The following PRKG1 variants were observed in gnomAD, a reference collection of about 807,000 sequenced individuals.
The protein encoded by PRKG1 is cGMP-dependent protein kinase 1.
Under a neutral mutation model 88.1 loss-of-function variants are expected in PRKG1, and 35 were observed. The observed-to-expected ratio is 0.40, with a 90% CI of 0.30 to 0.53. The LOEUF (loss-of-function observed/expected upper bound fraction) is 0.53, where lower values mean the gene tolerates loss of function less well. Among genes scored for constraint, PRKG1 ranks in the 20% least tolerant of loss-of-function variants. The probability of loss-of-function intolerance (pLI) is 0.59; values close to 1 mark genes in which losing one functional copy is unlikely to be tolerated. For missense variants in PRKG1, 540 were observed against 839.8 expected (o/e 0.64, Z 4.41); for synonymous variants, 303 against 292.5 (o/e 1.04, Z -0.37).
At chr10:51,426,147 C>T (rs1051350179) in intron 2 of PRKG1, among the ~76,000 whole-genome samples, 2 of 152,032 alleles carry the variant, frequency 1.3e-5, no homozygotes, top group South Asian at 2.1e-4. Context: ...TGTGGTGATG[C>T]GCACCCACCT....
chr10:51,901,524 G>A lies in PRKG1; in HGVS notation c.699-5983G>A, dbSNP rs7086759. Among the ~76,000 whole-genome samples, 808 of 152,234 alleles carry A rather than the reference G, an allele frequency of 5.3e-3. 7 individuals carry two copies. The highest frequency in any genetic ancestry group is 0.019 in the African/African-American group (770 of 41,542). ...CATTCAACAAAGCCAACTTTACAGGGTTTCATTTGTCTCTTAATTATTGTG... is the reference window on the plus strand; with the variant it reads ...CATTCAACAAAGCCAACTTTACAGGATTTCATTTGTCTCTTAATTATTGTG... On this transcript the variant is annotated intron_variant, in intron 4 of 17. Coordinates refer to ENST00000373980, the MANE Select transcript of PRKG1 (RefSeq NM_006258.4).
chr10:51,980,883 G>A (rs1024056124), intron 5 of PRKG1, among the ~76,000 whole-genome samples: 1 of 152,076 alleles, frequency 6.6e-6, no homozygotes, highest in Admixed American at 6.5e-5. Context: ...GTTGTTGTAT[G>A]TAAGATGGGT....
At chr10:52,002,061 C>T (rs1844614108) in intron 5 of PRKG1, among the ~76,000 whole-genome samples, 1 of 152,042 alleles carries the variant, frequency 6.6e-6, no homozygotes, top group Non-Finnish European at 1.5e-5. Context: ...ACCCATTTCC[C>T]ATCTCTTCAC....
intron 3 of PRKG1, among the ~76,000 whole-genome samples, chr10:51,488,094 T>C (rs1416652369): frequency 6.6e-6 from 1 of 152,170 alleles, no homozygotes; most frequent in Non-Finnish European, 1.5e-5. Flanking sequence ...CATCATCTAA[T>C]TCAAATTCTA....
rs1219202110 is a variant in PRKG1 at position 51,859,863 on chromosome 10, A to G, written c.699-47644A>G. Among the ~76,000 whole-genome samples the G allele has an allele frequency of 3.3e-5, 5 of 152,158 alleles. No homozygotes were observed. In the East Asian group the frequency reaches 5.8e-4, roughly 18 times the overall value. On this transcript the variant is annotated intron_variant, in intron 4 of 17. Transcript: ENST00000373980. ...TTGTGAGGTGTGGTAATTTTCATATATGCTTTATTTCTCCTACCACGTTTT... is the reference window on the plus strand; with the variant it reads ...TTGTGAGGTGTGGTAATTTTCATATGTGCTTTATTTCTCCTACCACGTTTT...
At chr10:51,825,017 C>T (rs1427915023) in intron 4 of PRKG1, among the ~76,000 whole-genome samples, 1 of 152,156 alleles carries the variant, frequency 6.6e-6, no homozygotes, top group Non-Finnish European at 1.5e-5. Context: ...TCTCAAATTA[C>T]TGGGGCCTTT....
At chr10:51,425,930 T>A (rs1838568510) in intron 2 of PRKG1, among the ~76,000 whole-genome samples, 1 of 152,154 alleles carries the variant, frequency 6.6e-6, no homozygotes, top group Non-Finnish European at 1.5e-5. Flanking sequence ...TCAAGATAAA[T>A]CTGCATTTAA....
At chr10:51,624,829 C>T (rs1030180114) in intron 3 of PRKG1, among the ~76,000 whole-genome samples, 4 of 152,210 alleles carry the variant, frequency 2.6e-5, no homozygotes, top group African/African-American at 9.7e-5. Flanking sequence ...AAACACCACA[C>T]AATCTCACTC....
intron 2 of PRKG1, among the ~76,000 whole-genome samples, chr10:51,279,655 C>T (rs1297851837): frequency 6.6e-6 from 1 of 152,076 alleles, no homozygotes; most frequent in African/African-American, 2.4e-5. Flanking sequence ...CTCTTTTGAT[C>T]TTTGTTGGTT....
At chr10:52,126,714 A>AGT (rs1017955590) in intron 7 of PRKG1, among the ~76,000 whole-genome samples, 21 of 152,114 alleles carry the variant, frequency 1.4e-4, no homozygotes, top group African/African-American at 5.1e-4. Context: ...GGATAATGGA[A>AGT]GTTTTATGGA....
At position 51,409,599 on chromosome 10, in the gene PRKG1, G is replaced by A. The variant is rs191707063; in HGVS notation, c.479-58124G>A. ...TGGCCGGGCACGGTGGCTCATGTCT[G>A]TAATACCAACACGGGGAGGCTGAGG... On this transcript the variant is annotated intron_variant, in intron 2 of 17. Coordinates refer to ENST00000373980, the MANE Select transcript of PRKG1 (RefSeq NM_006258.4). 1.6e-3 allele frequency among the ~76,000 whole-genome samples: 246 copies of A among 152,100 alleles called. 1 individual carries two copies. Among genetic ancestry groups the A allele is most frequent in the African/African-American group, 5.9e-3 (243 of 41,496 alleles).
chr10:51,353,453 A>G (rs1842296078), intron 2 of PRKG1, among the ~76,000 whole-genome samples: 1 of 151,948 alleles, frequency 6.6e-6, no homozygotes, highest in African/African-American at 2.4e-5. Flanking sequence ...CTCTACAGGA[A>G]AAAAGTATAA....
rs79394309 is a variant in PRKG1, at chr10:51,859,012, A to G, written c.699-48495A>G. ...CACAATGCACTTGTCTCAACCCCCA[A>G]AGTGGCCTGCTCGATAGAACAAAAG... is the stretch of plus-strand genomic sequence containing the variant. On this transcript the variant is annotated intron_variant, in intron 4 of 17. Transcript: ENST00000373980. Among the ~76,000 whole-genome samples, 1,317 of 152,160 alleles carry G rather than the reference A, an allele frequency of 8.7e-3. 18 individuals are homozygous for G. Among genetic ancestry groups the G allele is most frequent in the African/African-American group, 0.03 (1,251 of 41,510 alleles).
chr10:51,502,380 C>T (rs1395509397), intron 3 of PRKG1, among the ~76,000 whole-genome samples: 1 of 152,116 alleles, frequency 6.6e-6, no homozygotes, highest in East Asian at 1.9e-4. Context: ...CTGAGGAGCA[C>T]AAATTGCTAT....
At chr10:51,430,634 T>C (rs757072179) in intron 2 of PRKG1, among the ~76,000 whole-genome samples, 11 of 152,104 alleles carry the variant, frequency 7.2e-5, no homozygotes, top group Non-Finnish European at 1.5e-4. Context: ...CATATGTCCA[T>C]ATAAGAAGTT....
chr10:51,583,512 T>G (rs1470806311), intron 3 of PRKG1, among the ~76,000 whole-genome samples: 2 of 152,092 alleles, frequency 1.3e-5, no homozygotes, highest in African/African-American at 4.8e-5. Context: ...AACCCATTAG[T>G]AGGTCCTATC....
chr10:51,551,655 T>C (rs1481642078), intron 3 of PRKG1, among the ~76,000 whole-genome samples: 1 of 151,798 alleles, frequency 6.6e-6, no homozygotes, highest in East Asian at 1.9e-4. Flanking sequence ...TTTGAGAGAA[T>C]GGCATTGATA....
rs570904672 is a variant in PRKG1 at position 51,367,709 on chromosome 10, A to G, written c.479-100014A>G. On this transcript the variant is annotated intron_variant, in intron 2 of 17. Coordinates refer to ENST00000373980, the MANE Select transcript of PRKG1 (RefSeq NM_006258.4). Reference sequence around the variant, plus strand: ...GTAGAAGAACTTCAAAGTCTCTACCAATTTTGAGATGTAAATTGCTCTTCT... The same window carrying G: ...GTAGAAGAACTTCAAAGTCTCTACCGATTTTGAGATGTAAATTGCTCTTCT... Among the ~76,000 whole-genome samples, 3 of 152,126 alleles carry G rather than the reference A, an allele frequency of 2.0e-5. No individual in the cohort carries two copies. The East Asian group carries it at 5.8e-4, about 30-fold the overall frequency.
intron 3 of PRKG1, among the ~76,000 whole-genome samples, chr10:51,716,166 TC>T (rs1165872871): frequency 6.6e-6 from 1 of 152,222 alleles, no homozygotes; most frequent in African/African-American, 2.4e-5. Flanking sequence ...TCTTGCCTGT[TC>T]CTATCTGCTG....
Sources: gnomAD v4.1 joint callset for allele counts (sites outside exome capture counted in the v4.1 genomes callset) on GRCh38, gnomAD v4.1.1 for gene constraint, MANE v1.5 for transcripts, NCBI Gene and HGNC (gene_info 2026-07-23, HGNC 2026-07-21) for gene names.